NF1: variants seen among roughly 807,000 people sequenced by gnomAD.
NF1 encodes the protein neurofibromin.
In NF1, 122 loss-of-function variants were observed where a neutral mutation model predicts 325.7. The ratio of observed to expected loss-of-function variants is 0.37; its 90% CI spans 0.32 to 0.44. The LOEUF is 0.44. Among genes scored for constraint, NF1 ranks in the 20% least tolerant of loss-of-function variants. NF1 has a pLI of 1.00. For missense variants in NF1, 2,140 were observed against 3,415.4 expected (o/e 0.63, Z 9.31); for synonymous variants, 1,091 against 1,186.0 (o/e 0.92, Z 1.65).
intron 13 of NF1, 45 bp downstream of exon 13, chr17:31,214,630 T>C: frequency 6.3e-7 from 1 of 1,596,346 alleles, no homozygotes; most frequent in African/African-American, 1.3e-5. Context: ...CACACTAAGT[T>C]AATTGGGTTT....
chr17:31,143,041 T>TACC, intron 1 of NF1, among the ~76,000 whole-genome samples: 1 of 152,178 alleles, frequency 6.6e-6, no homozygotes. Flanking sequence ...TGTATGTGCA[T>TACC]TCTTTTACCT....
chr17:31,237,224 G>A (rs2067218870), intron 29 of NF1, among the ~76,000 whole-genome samples: 1 of 152,080 alleles, frequency 6.6e-6, no homozygotes, highest in South Asian at 2.1e-4. Flanking sequence ...CCAGCACTAA[G>A]CCAATTTTTG....
rs1555607126 is a variant in NF1 at position 31,169,998 on chromosome 17, G to A, written c.586+1G>A. On this transcript the variant is annotated splice_donor_variant, in intron 5 of 57. Coordinates refer to ENST00000358273, the MANE Select transcript of NF1 (RefSeq NM_001042492.3). LOFTEE classifies it high-confidence loss of function. ...GCAAAATTAAAACGACTCCTGAAGGGTAAGTTTAAATGTATAATATATCTG... is the reference window on the plus strand; with the variant it reads ...GCAAAATTAAAACGACTCCTGAAGGATAAGTTTAAATGTATAATATATCTG... The A allele has an allele frequency of 6.3e-7, 1 of 1,589,816 alleles. No individual in the cohort carries two copies. Among genetic ancestry groups the A allele is most frequent in the Non-Finnish European group, 8.6e-7 (1 of 1,159,044 alleles).
In NF1 at chr17:31,234,670, CAAAAAAAAAA is replaced by C. The variant is rs754308242; in HGVS notation, c.3709-924_3709-915del. On this transcript the variant is annotated intron_variant, in intron 27 of 57. Transcript: ENST00000358273. Reference sequence around the variant, plus strand: ...TGGGCGACAGAGCGAGACTCTGTCTCAAAAAAAAAAAAAAAAAAAAAAAAAAGAATCATTT... The same window carrying C: ...TGGGCGACAGAGCGAGACTCTGTCTCAAAAAAAAAAAAAAAAGAATCATTT... 5.2e-4 allele frequency among the ~76,000 whole-genome samples: 29 copies of C among 56,238 alleles called. 1 individual carries two copies. Among genetic ancestry groups the C allele is most frequent in the Admixed American group, 4.3e-4 (2 of 4,604 alleles). The allele number at this position is 56,238 out of a possible 152,430, so 36.9% of individuals were successfully genotyped here.
At chr17:31,245,255 G>A (rs1054791531) in intron 29 of NF1, among the ~76,000 whole-genome samples, 4 of 152,182 alleles carry the variant, frequency 2.6e-5, no homozygotes, top group African/African-American at 7.2e-5. Context: ...GATTACTGTT[G>A]TAGCTTAACT....
intron 14 of NF1, among the ~76,000 whole-genome samples, chr17:31,220,216 T>C (rs2066898124): frequency 6.6e-6 from 1 of 152,196 alleles, no homozygotes; most frequent in African/African-American, 2.4e-5. Flanking sequence ...ATAATGTGTC[T>C]TTTTGATTGT....
At chr17:31,321,930 T>G (rs561594374) in intron 36 of NF1, 134 of 152,340 alleles carry the variant, frequency 8.8e-4, no homozygotes, top group African/African-American at 3.2e-3. Flanking sequence ...TCTAAAAGAC[T>G]TATTTGAAAT....
chr17:31,136,021 T>C (rs1597602352), intron 1 of NF1, among the ~76,000 whole-genome samples: 3 of 152,164 alleles, frequency 2.0e-5, no homozygotes. Flanking sequence ...CAGTAATTGC[T>C]CTTACTTTCC....
intron 5 of NF1, among the ~76,000 whole-genome samples, chr17:31,171,331 G>A (rs1363126524): frequency 6.6e-6 from 1 of 152,180 alleles, no homozygotes; most frequent in African/African-American, 2.4e-5. Flanking sequence ...AGATTTGCAA[G>A]ATTTTGATAT....
At chr17:31,335,933 C>T (rs1597841771) in intron 40 of NF1, among the ~76,000 whole-genome samples, 1 of 150,142 alleles carries the variant, frequency 6.7e-6, no homozygotes, top group East Asian at 2.0e-4. Context: ...CTCAAGCAAT[C>T]CGCCCGCCTC....
intron 48 of NF1, among the ~76,000 whole-genome samples, chr17:31,344,123 A>C (rs1235516801): frequency 1.3e-5 from 2 of 152,198 alleles, no homozygotes; most frequent in African/African-American, 4.8e-5. Context: ...AAATGTTAAG[A>C]GATTTGATCA....
chr17:31,309,493 C>T (rs1359376891), intron 36 of NF1, among the ~76,000 whole-genome samples: 1 of 152,066 alleles, frequency 6.6e-6, no homozygotes, highest in African/African-American at 2.4e-5. Flanking sequence ...ACCCATTATT[C>T]TTATAGATTA....
intron 36 of NF1, among the ~76,000 whole-genome samples, chr17:31,274,774 C>A (rs1287163904): frequency 6.6e-6 from 1 of 150,396 alleles, no homozygotes; most frequent in Admixed American, 6.6e-5. Flanking sequence ...ATGTTTCGAA[C>A]TTGAGCAAAC....
intron 4 of NF1, among the ~76,000 whole-genome samples, chr17:31,169,375 T>G (rs1042583092): frequency 2.0e-5 from 3 of 152,222 alleles, no homozygotes; most frequent in African/African-American, 7.2e-5. Flanking sequence ...GATGCTACGT[T>G]TACTGAATTA....
intron 29 of NF1, among the ~76,000 whole-genome samples, chr17:31,241,311 C>T (rs140397142): frequency 1.2e-3 from 182 of 152,206 alleles, no homozygotes; most frequent in African/African-American, 4.1e-3. Flanking sequence ...ATCACTCTTA[C>T]GTCTTTTGAT....
intron 1 of NF1, among the ~76,000 whole-genome samples, chr17:31,128,921 C>T (rs1410233035): frequency 8.9e-5 from 10 of 112,818 alleles, no homozygotes; most frequent in South Asian, 3.3e-4. Flanking sequence ...AGTGAGACTC[C>T]GTCTCAAAAA....
intron 11 of NF1, among the ~76,000 whole-genome samples, chr17:31,204,184 C>T: frequency 6.6e-6 from 1 of 152,016 alleles, no homozygotes; most frequent in East Asian, 1.9e-4. Context: ...TCTTAGCCAT[C>T]ACTGGTACAT....
intron 1 of NF1, among the ~76,000 whole-genome samples, chr17:31,115,035 A>G (rs548007339): frequency 1.3e-5 from 2 of 152,336 alleles, no homozygotes; most frequent in African/African-American, 4.8e-5. Flanking sequence ...ACAGTACAGT[A>G]TCACCTAGTA....
chr17:31,287,132 T>C (rs555925427), intron 36 of NF1, among the ~76,000 whole-genome samples: 1 of 152,338 alleles, frequency 6.6e-6, no homozygotes, highest in African/African-American at 2.4e-5. Context: ...TGTAAATTAT[T>C]TGAAGCATAA....
Sources: allele counts gnomAD v4.1 joint callset (sites outside exome capture counted in the v4.1 genomes callset), GRCh38; gene constraint gnomAD v4.1.1; transcripts MANE v1.5; gene names NCBI Gene and HGNC (gene_info 2026-07-23, HGNC 2026-07-21).